The following TTC23 variants were observed in gnomAD, a reference collection of about 807,000 sequenced individuals.
The protein encoded by TTC23 is tetratricopeptide repeat domain 23, also known as tetratricopeptide repeat protein 23.
TTC23 carries 58 observed loss-of-function variants against 55.1 expected under a neutral mutation model. The observed-to-expected ratio is 1.05, with a 90% CI of 0.85 to 1.31. The LOEUF (loss-of-function observed/expected upper bound fraction) is 1.31, where lower values mean the gene tolerates loss of function less well. Ranked by LOEUF, TTC23 falls within the 50% of genes most tolerant of loss-of-function variation. The probability of loss-of-function intolerance (pLI) is 0.00; values close to 1 mark genes in which losing one functional copy is unlikely to be tolerated. For synonymous variants in TTC23, 203 were observed against 199.9 expected (o/e 1.02, Z -0.13); for missense variants, 516 against 534.4 (o/e 0.97, Z 0.34).
At chr15:99,193,690 C>A (rs2075440821) in intron 9 of TTC23, among the ~76,000 whole-genome samples, 1 of 152,072 alleles carries the variant, frequency 6.6e-6, no homozygotes, top group African/African-American at 2.4e-5. Context: ...GGTAGCGAGA[C>A]CTTTTTTTTT....
At chr15:99,200,656 A>C (rs1293589638) in intron 8 of TTC23, among the ~76,000 whole-genome samples, 1 of 152,188 alleles carries the variant, frequency 6.6e-6, no homozygotes, top group Admixed American at 6.5e-5. Flanking sequence ...TCTATATCAA[A>C]TCATACACAT....
At chr15:99,241,992 G>A (rs763139501) in intron 2 of TTC23, among the ~76,000 whole-genome samples, 9 of 152,076 alleles carry the variant, frequency 5.9e-5, no homozygotes, top group Non-Finnish European at 1.3e-4. Context: ...AAAATTAGCC[G>A]AGTGTGGTGG....
chr15:99,239,116 G>A (rs1251814677), intron 3 of TTC23, among the ~76,000 whole-genome samples: 1 of 152,172 alleles, frequency 6.6e-6, no homozygotes, highest in Non-Finnish European at 1.5e-5. Context: ...TCAGCCAAAG[G>A]TCAAACTGTG....
chr15:99,196,536 G>A (rs945577385), intron 9 of TTC23, among the ~76,000 whole-genome samples: 3 of 152,160 alleles, frequency 2.0e-5, no homozygotes, highest in Admixed American at 2.0e-4. Flanking sequence ...CAGCGACCTA[G>A]GCCAGAAACC....
chr15:99,195,877 AAAAAAG>A (rs1417552198), intron 9 of TTC23, among the ~76,000 whole-genome samples: 13 of 151,960 alleles, frequency 8.6e-5, no homozygotes, highest in African/African-American at 2.9e-4. Flanking sequence ...TAAAAAAAAA[AAAAAAG>A]AAAAGAAAAG....
At chr15:99,142,166 T>C (rs1198046546) in intron 12 of TTC23, among the ~76,000 whole-genome samples, 1 of 152,088 alleles carries the variant, frequency 6.6e-6, no homozygotes, top group Admixed American at 6.5e-5. Flanking sequence ...TTGACAGCCA[T>C]GGTACCTGAT....
At chr15:99,190,508 C>T (rs1274940009) in intron 9 of TTC23, among the ~76,000 whole-genome samples, 1 of 151,996 alleles carries the variant, frequency 6.6e-6, no homozygotes, top group Admixed American at 6.6e-5. Flanking sequence ...TTGAACATAT[C>T]TTCAAATGAT....
intron 8 of TTC23, among the ~76,000 whole-genome samples, chr15:99,200,923 A>G (rs2151995549): frequency 6.6e-6 from 1 of 152,362 alleles, no homozygotes; most frequent in South Asian, 2.1e-4. Flanking sequence ...ATATTTATTG[A>G]CACAGAAGTT....
At chr15:99,178,534 G>A (rs138439104) in intron 9 of TTC23, among the ~76,000 whole-genome samples, 49 of 152,254 alleles carry the variant, frequency 3.2e-4, no homozygotes, top group African/African-American at 1.1e-3. Context: ...CAGATATTGT[G>A]CTAACATTAG....
chr15:99,162,383 A>G (rs989517698), intron 10 of TTC23, among the ~76,000 whole-genome samples: 1 of 152,272 alleles, frequency 6.6e-6, no homozygotes, highest in Non-Finnish European at 1.5e-5. Flanking sequence ...ACTTCAACAT[A>G]CTGGTTATAA....
chr15:99,188,738 G>C (rs989050821), intron 9 of TTC23, among the ~76,000 whole-genome samples: 4 of 151,934 alleles, frequency 2.6e-5, no homozygotes, highest in African/African-American at 9.7e-5. Flanking sequence ...AAATATAAAT[G>C]CAAATTAAAA....
At chr15:99,212,872 C>A (rs1420744604) in intron 8 of TTC23, among the ~76,000 whole-genome samples, 1 of 150,594 alleles carries the variant, frequency 6.6e-6, no homozygotes, top group Non-Finnish European at 1.5e-5. Flanking sequence ...GTAGTCCCAG[C>A]TAGTCAAGAG....
chr15:99,150,135 C>T (rs1555496099), intron 12 of TTC23, among the ~76,000 whole-genome samples: 1 of 152,206 alleles, frequency 6.6e-6, no homozygotes, highest in Non-Finnish European at 1.5e-5. Context: ...GAAAAGCTTC[C>T]CAGCGGCCTG....
intron 5 of TTC23, among the ~76,000 whole-genome samples, chr15:99,224,262 G>T (rs1250406715): frequency 6.6e-6 from 1 of 152,118 alleles, no homozygotes; most frequent in Non-Finnish European, 1.5e-5. Context: ...TCAAAATACA[G>T]ATAAGCAAAA....
chr15:99,204,655 T>TTTTTTTTTTTTTTTTTG, intron 8 of TTC23, among the ~76,000 whole-genome samples: 1 of 145,636 alleles, frequency 6.9e-6, no homozygotes, highest in Non-Finnish European at 1.5e-5. Flanking sequence ...TTTTTTTTTT[T>TTTTTTTTTTTTTTTTTG]AGACAGGTCT....
At chr15:99,156,035 T>C in intron 12 of TTC23, 113 bp downstream of exon 12, 1 of 1,462,390 alleles carries the variant, frequency 6.8e-7, no homozygotes, top group Admixed American at 2.0e-5. Flanking sequence ...TCATCCTATC[T>C]AAACAAGCCA....
chr15:99,195,655 A>G (rs73463355), intron 9 of TTC23, among the ~76,000 whole-genome samples: 1,994 of 152,296 alleles, frequency 0.013, 47 homozygotes, highest in African/African-American at 0.046. Flanking sequence ...TGGTAAATAC[A>G]TGATGTTATA....
In TTC23 at chr15:99,182,246, TCTCACACACACACA is replaced by T. The variant is rs1260789268; in HGVS notation, c.760-7105_760-7092del. On this transcript the variant is annotated intron_variant, in intron 9 of 13. Coordinates refer to ENST00000394132, the MANE Select transcript of TTC23 (RefSeq NM_001288615.3). ...AAATCTCTCTCTCTCTCTCTCTCTC[TCTCACACACACACA>T]CACACACACACACACACACACACAC... is the stretch of plus-strand genomic sequence containing the variant. 8.9e-5 allele frequency among the ~76,000 whole-genome samples: 10 copies of T among 112,724 alleles called. No individual in the cohort carries two copies. In the East Asian group the frequency reaches 1.5e-3, roughly 17 times the overall value. The allele number at this position is 112,724 out of a possible 152,430, so 74.0% of individuals were successfully genotyped here. A position where few individuals can be genotyped will look rare whatever the true frequency, so the allele number is the denominator to read the frequency against.
At chr15:99,181,057 A>C (rs2074064636) in intron 9 of TTC23, among the ~76,000 whole-genome samples, 1 of 152,188 alleles carries the variant, frequency 6.6e-6, no homozygotes, top group African/African-American at 2.4e-5. Context: ...ATTGAAAGTG[A>C]TGTGAACAGC....
Sources: gnomAD v4.1 joint callset for allele counts (sites outside exome capture counted in the v4.1 genomes callset) on GRCh38, gnomAD v4.1.1 for gene constraint, MANE v1.5 for transcripts, NCBI Gene and HGNC (gene_info 2026-07-23, HGNC 2026-07-21) for gene names.